Variants in ADAMTS12 observed in about 807,000 individuals in gnomAD.
ADAMTS12 encodes the protein A disintegrin and metalloproteinase with thrombospondin motifs 12.
In ADAMTS12, 118 loss-of-function variants were observed where a neutral mutation model predicts 167.8. That is an observed-to-expected ratio of 0.70 (90% CI 0.61 to 0.82). The LOEUF (loss-of-function observed/expected upper bound fraction) is 0.82, where lower values mean the gene tolerates loss of function less well. ADAMTS12 is among the 40% of genes least tolerant of loss of function. The probability of loss-of-function intolerance (pLI) is 0.00; values close to 1 mark genes in which losing one functional copy is unlikely to be tolerated. For synonymous variants in ADAMTS12, 704 were observed against 716.9 expected (o/e 0.98, Z 0.29); for missense variants, 1,916 against 1,998.8 (o/e 0.96, Z 0.79).
intron 5 of ADAMTS12, among the ~76,000 whole-genome samples, chr5:33,668,911 T>C (rs1741572849): frequency 6.6e-6 from 1 of 152,232 alleles, no homozygotes; most frequent in African/African-American, 2.4e-5. Context: ...AATATCTTGA[T>C]TCAATAGCAA....
chr5:33,578,252 C>A (rs1277269494), intron 18 of ADAMTS12, among the ~76,000 whole-genome samples: 1 of 152,182 alleles, frequency 6.6e-6, no homozygotes, highest in Non-Finnish European at 1.5e-5. Context: ...AAGGGCTGCG[C>A]AAACATTATT....
chr5:33,803,511 C>T (rs1206922601), intron 2 of ADAMTS12, among the ~76,000 whole-genome samples: 1 of 152,076 alleles, frequency 6.6e-6, no homozygotes, highest in Non-Finnish European at 1.5e-5. Flanking sequence ...TGAGAAATAC[C>T]CAGCTACTTT....
intron 2 of ADAMTS12, among the ~76,000 whole-genome samples, chr5:33,856,629 A>T (rs557281478): frequency 5.9e-4 from 90 of 152,280 alleles, no homozygotes; most frequent in Admixed American, 1.7e-3. Context: ...AAAGCATACA[A>T]GTAGCAAATA....
chr5:33,609,647 A>C (rs1389715669), intron 16 of ADAMTS12, among the ~76,000 whole-genome samples: 1 of 152,206 alleles, frequency 6.6e-6, no homozygotes, highest in African/African-American at 2.4e-5. Context: ...ATTTCTACTT[A>C]ATATGAGTTC....
chr5:33,535,661 T>G (rs1005835451), intron 22 of ADAMTS12, among the ~76,000 whole-genome samples: 1 of 151,988 alleles, frequency 6.6e-6, no homozygotes, highest in Admixed American at 6.5e-5. Flanking sequence ...GTGAAACATA[T>G]GGAGGGAGGT....
rs148668371 is a variant in ADAMTS12, at chr5:33,607,216, C to CCAATGCAATGCAATGCAATGCAATG, written c.2527+6997_2527+7021dup. Among the ~76,000 whole-genome samples the CCAATGCAATGCAATGCAATGCAATG allele has an allele frequency of 2.5e-3, 378 of 151,514 alleles. 2 individuals carry two copies. Among genetic ancestry groups the CCAATGCAATGCAATGCAATGCAATG allele is most frequent in the Middle Eastern group, 0.014 (4 of 292 alleles). On this transcript the variant is annotated intron_variant, in intron 16 of 23. Coordinates refer to ENST00000504830, the MANE Select transcript of ADAMTS12 (RefSeq NM_030955.4). ...TTCCATTCAGCACTCTGTGACAGGC[C>CCAATGCAATGCAATGCAATGCAATG]CAATGCAATGCAATGCAATGCAATG...
chr5:33,604,539 C>T (rs1340239557), intron 16 of ADAMTS12, among the ~76,000 whole-genome samples: 1 of 150,014 alleles, frequency 6.7e-6, no homozygotes, highest in Non-Finnish European at 1.5e-5. Context: ...AAAGAAAGAA[C>T]AACCCCCCAC....
chr5:33,691,646 G>GGGTGATGGACC (rs1742550951), intron 3 of ADAMTS12, among the ~76,000 whole-genome samples: 1 of 152,038 alleles, frequency 6.6e-6, no homozygotes, highest in African/African-American at 2.4e-5. Flanking sequence ...GTGGAAAGAT[G>GGGTGATGGACC]GGTGATGGAC....
chr5:33,737,832 G>A (rs1397799839), intron 3 of ADAMTS12, among the ~76,000 whole-genome samples: 2 of 152,146 alleles, frequency 1.3e-5, no homozygotes, highest in Non-Finnish European at 2.9e-5. Flanking sequence ...GTGGAATTTC[G>A]AATTGCAGTT....
chr5:33,723,028 CA>C (rs1316736843), intron 3 of ADAMTS12, among the ~76,000 whole-genome samples: 1 of 152,138 alleles, frequency 6.6e-6, no homozygotes, highest in East Asian at 1.9e-4. Context: ...AGTTCAGGAT[CA>C]GGGGTCAAGG....
rs73758927 is a variant in ADAMTS12 at position 33,633,733 on chromosome 5, T to C, written c.1889-2820A>G. ...AGGAGGAGGCAAGGGTGGTAATGGA[T>C]GGTCTTAATTCTTGGGAGTCATCAC... On this transcript the variant is annotated intron_variant, in intron 12 of 23. Transcript: ENST00000504830. 9.1e-3 allele frequency among the ~76,000 whole-genome samples: 1,383 copies of C among 152,154 alleles called. 19 individuals carry two copies. Among genetic ancestry groups the C allele is most frequent in the African/African-American group, 0.032 (1,338 of 41,510 alleles).
chr5:33,676,707 C>CACACACAGAG (rs879440613), intron 5 of ADAMTS12, among the ~76,000 whole-genome samples: 12 of 149,020 alleles, frequency 8.1e-5, no homozygotes, highest in African/African-American at 1.8e-4. Flanking sequence ...CACACACACA[C>CACACACAGAG]AGAGAGAGAG....
intron 2 of ADAMTS12, among the ~76,000 whole-genome samples, chr5:33,847,171 T>A (rs899529372): frequency 5.3e-5 from 8 of 152,220 alleles, no homozygotes; most frequent in Non-Finnish European, 1.2e-4. Context: ...AAGGAAAATG[T>A]TAAAGGTGCT....
chr5:33,796,960 T>C (rs572906323), intron 2 of ADAMTS12, among the ~76,000 whole-genome samples: 1 of 152,336 alleles, frequency 6.6e-6, no homozygotes, highest in South Asian at 2.1e-4. Flanking sequence ...TAGAGACTCC[T>C]TCAAGGAAGC....
At chr5:33,573,966 C>T (rs1270462973) in intron 19 of ADAMTS12, among the ~76,000 whole-genome samples, 2 of 152,198 alleles carry the variant, frequency 1.3e-5, no homozygotes, top group Non-Finnish European at 2.9e-5. Flanking sequence ...CAAAAGAAGA[C>T]ATTTATGCAG....
intron 23 of ADAMTS12, 30 bp downstream of exon 23, chr5:33,534,803 C>T (rs779509692): frequency 6.9e-6 from 11 of 1,591,186 alleles, no homozygotes; most frequent in Non-Finnish European, 8.5e-6. Flanking sequence ...GCAAAGATCT[C>T]TTTCTCCCCG....
At chr5:33,590,552 T>C (rs1191358997) in intron 17 of ADAMTS12, among the ~76,000 whole-genome samples, 2 of 152,224 alleles carry the variant, frequency 1.3e-5, no homozygotes, top group Non-Finnish European at 2.9e-5. Flanking sequence ...CTTATGAGGA[T>C]GCAGCAAGAA....
At chr5:33,714,694 A>AG (rs1302894684) in intron 3 of ADAMTS12, among the ~76,000 whole-genome samples, 5 of 152,276 alleles carry the variant, frequency 3.3e-5, no homozygotes, top group African/African-American at 1.2e-4. Flanking sequence ...GAAATAATCC[A>AG]GCACAGAAAG....
intron 2 of ADAMTS12, among the ~76,000 whole-genome samples, chr5:33,793,995 C>T (rs951763793): frequency 2.0e-5 from 3 of 152,190 alleles, no homozygotes; most frequent in Admixed American, 6.5e-5. Flanking sequence ...TCCTCCTCCC[C>T]GTGGAGTTTA....
Sources: gnomAD v4.1 joint callset for allele counts (sites outside exome capture counted in the v4.1 genomes callset) on GRCh38, gnomAD v4.1.1 for gene constraint, MANE v1.5 for transcripts, NCBI Gene and HGNC (gene_info 2026-07-23, HGNC 2026-07-21) for gene names.